Variants in NELL1 observed in about 807,000 individuals in gnomAD.
NELL1 encodes protein kinase C-binding protein NELL1.
NELL1 carries 76 observed loss-of-function variants against 107.4 expected under a neutral mutation model. The ratio of observed to expected loss-of-function variants is 0.71; its 90% CI spans 0.59 to 0.86. The LOEUF (loss-of-function observed/expected upper bound fraction) is 0.86, where lower values mean the gene tolerates loss of function less well. Among genes scored for constraint, NELL1 ranks in the 40% least tolerant of loss-of-function variants. NELL1 has a pLI of 0.00. For synonymous variants in NELL1, 353 were observed against 341.2 expected (o/e 1.03, Z -0.38); for missense variants, 1,024 against 1,005.5 (o/e 1.02, Z -0.25).
intron 14 of NELL1, chr11:21,284,026 G>A: frequency 2.8e-6 from 1 of 362,166 alleles, no homozygotes; most frequent in South Asian, 2.1e-5. Flanking sequence ...ATGTGTGTGT[G>A]CCTGTGGACT....
chr11:21,385,398 A>G (rs1851720155), intron 15 of NELL1, among the ~76,000 whole-genome samples: 1 of 151,914 alleles, frequency 6.6e-6, no homozygotes, highest in South Asian at 2.1e-4. Context: ...GGGAAGGATA[A>G]AAAAATATTG....
intron 5 of NELL1, among the ~76,000 whole-genome samples, chr11:20,907,156 C>A (rs1850017146): frequency 6.9e-6 from 1 of 145,732 alleles, no homozygotes; most frequent in Non-Finnish European, 1.5e-5. Context: ...TAGCTACAAC[C>A]ACTAAATCTT....
At chr11:21,072,038 G>A (rs1006859588) in intron 12 of NELL1, among the ~76,000 whole-genome samples, 1 of 151,984 alleles carries the variant, frequency 6.6e-6, no homozygotes, top group African/African-American at 2.4e-5. Flanking sequence ...ATTATCATGG[G>A]GATTAGGTTG....
At chr11:21,250,400 G>C (rs1470679025) in intron 14 of NELL1, among the ~76,000 whole-genome samples, 1 of 152,096 alleles carries the variant, frequency 6.6e-6, no homozygotes, top group East Asian at 1.9e-4. Context: ...CCACCACTTT[G>C]CATCATTTAC....
At chr11:21,126,818 A>G (rs906606908) in intron 13 of NELL1, among the ~76,000 whole-genome samples, 2 of 152,244 alleles carry the variant, frequency 1.3e-5, no homozygotes, top group Non-Finnish European at 2.9e-5. Flanking sequence ...CTTTAGGCTC[A>G]TGAGTTAACA....
intron 5 of NELL1, among the ~76,000 whole-genome samples, chr11:20,900,462 A>G (rs1479875622): frequency 6.6e-6 from 1 of 152,168 alleles, no homozygotes; most frequent in South Asian, 2.1e-4. Flanking sequence ...GACTGGGATC[A>G]TTCTGGCAGT....
At chr11:21,339,228 G>A (rs528002015) in intron 14 of NELL1, among the ~76,000 whole-genome samples, 37 of 152,252 alleles carry the variant, frequency 2.4e-4, no homozygotes, top group Non-Finnish European at 4.4e-4. Context: ...ATAAGAAGAG[G>A]AATTCTCCCT....
chr11:20,942,596 A>G lies in NELL1; in HGVS notation c.1071+4737A>G, dbSNP rs192442983. On this transcript the variant is annotated intron_variant, in intron 10 of 19. Coordinates refer to ENST00000357134, the MANE Select transcript of NELL1 (RefSeq NM_006157.5). The stretch of plus-strand genomic sequence containing the variant: ...ACATGGAGAACTTAGTAGAGTGCTT[A>G]CCACAAAGACCATCCTCAATAAATG... Among the ~76,000 whole-genome samples, 102 of 152,294 alleles carry G rather than the reference A, an allele frequency of 6.7e-4. No homozygotes were observed. In the Middle Eastern group the frequency reaches 0.014, roughly 20 times the overall value.
At chr11:21,509,467 A>G (rs1487984560) in intron 15 of NELL1, among the ~76,000 whole-genome samples, 1 of 152,180 alleles carries the variant, frequency 6.6e-6, no homozygotes. Context: ...CTAAATTTCC[A>G]TCAAAGGTAG....
At chr11:21,374,909 G>C (rs998627405) in intron 15 of NELL1, among the ~76,000 whole-genome samples, 2 of 151,620 alleles carry the variant, frequency 1.3e-5, no homozygotes, top group Non-Finnish European at 2.9e-5. Context: ...GTGTGTGTGT[G>C]TGTGTGTGTG....
intron 14 of NELL1, among the ~76,000 whole-genome samples, chr11:21,266,499 A>G (rs1056717087): frequency 2.6e-5 from 4 of 152,030 alleles, no homozygotes; most frequent in Non-Finnish European, 4.4e-5. Flanking sequence ...CATCATTGCC[A>G]TTTCTAACTT....
At chr11:21,564,843 G>T (rs1341878787) in intron 17 of NELL1, among the ~76,000 whole-genome samples, 4 of 151,898 alleles carry the variant, frequency 2.6e-5, no homozygotes, top group African/African-American at 4.8e-5. Flanking sequence ...AGATTGTCTG[G>T]AATCATGGCC....
rs1400586944 is a variant in NELL1 at position 21,012,342 on chromosome 11, ACACAGTTTTC to A, written c.1300+51783_1300+51792del. On this transcript the variant is annotated intron_variant, in intron 12 of 19. Transcript: ENST00000357134. Reference sequence around the variant, plus strand: ...CCCTGCCAGCCTTCCATTCAAGACCACACAGTTTTCTTCTTTCATGACCTCCCTTTCTCCC... The same window carrying A: ...CCCTGCCAGCCTTCCATTCAAGACCATTCTTTCATGACCTCCCTTTCTCCC... 2.0e-5 allele frequency among the ~76,000 whole-genome samples: 3 copies of A among 152,072 alleles called. No individual in the cohort carries two copies. In the East Asian group the frequency reaches 5.8e-4, roughly 29 times the overall value.
intron 2 of NELL1, among the ~76,000 whole-genome samples, chr11:20,782,441 A>G (rs1258786447): frequency 6.6e-6 from 1 of 152,172 alleles, no homozygotes; most frequent in Non-Finnish European, 1.5e-5. Context: ...GCAGCAATTC[A>G]AAAAATTATA....
At chr11:21,291,813 T>C (rs4543989) in intron 14 of NELL1, among the ~76,000 whole-genome samples, 138,709 of 152,184 alleles carry the variant, frequency 0.91, 63,472 homozygotes, top group Non-Finnish European at 0.95. Flanking sequence ...TAAACAGAAC[T>C]GATGATAAAA....
intron 12 of NELL1, among the ~76,000 whole-genome samples, chr11:21,025,516 G>A (rs1852795373): frequency 6.6e-6 from 1 of 151,468 alleles, no homozygotes; most frequent in Non-Finnish European, 1.5e-5. Flanking sequence ...CAAATTTAAT[G>A]TATAGGAAGT....
At chr11:20,721,617 G>A (rs1014046325) in intron 2 of NELL1, among the ~76,000 whole-genome samples, 1 of 152,188 alleles carries the variant, frequency 6.6e-6, no homozygotes, top group Non-Finnish European at 1.5e-5. Flanking sequence ...TTAAGTTAAA[G>A]GAGATGGAAA....
chr11:20,888,036 T>C (rs551452170), intron 5 of NELL1, among the ~76,000 whole-genome samples: 4 of 152,094 alleles, frequency 2.6e-5, no homozygotes, highest in Admixed American at 2.6e-4. Context: ...GAATGTATGA[T>C]GACTAGAGAT....
At chr11:21,436,118 A>G (rs1853113295) in intron 15 of NELL1, among the ~76,000 whole-genome samples, 1 of 152,114 alleles carries the variant, frequency 6.6e-6, no homozygotes, top group Non-Finnish European at 1.5e-5. Context: ...GTACAGTGGC[A>G]TGATCCTGGC....
Sources: gnomAD v4.1 joint callset for allele counts (sites outside exome capture counted in the v4.1 genomes callset) on GRCh38, gnomAD v4.1.1 for gene constraint, MANE v1.5 for transcripts, NCBI Gene and HGNC (gene_info 2026-07-23, HGNC 2026-07-21) for gene names.